The following MARCHF1 variants were observed in gnomAD, a reference collection of about 807,000 sequenced individuals.
The protein encoded by MARCHF1 is E3 ubiquitin-protein ligase MARCHF1.
Under a neutral mutation model 54.2 loss-of-function variants are expected in MARCHF1, and 40 were observed. That is an observed-to-expected ratio of 0.74 (90% CI 0.57 to 0.96). MARCHF1 has a LOEUF of 0.96. Among genes scored for constraint, MARCHF1 ranks in the 40% least tolerant of loss-of-function variants. MARCHF1 has a pLI of 0.00. For synonymous variants in MARCHF1, 236 were observed against 236.3 expected, an observed-to-expected ratio of 1.00 and a Z score of 0.01; for missense variants, 586 against 656.5, an observed-to-expected ratio of 0.89 and a Z score of 1.17.
At chr4:163,545,317 A>C (rs1304838612) in intron 9 of MARCHF1, among the ~76,000 whole-genome samples, 2 of 152,218 alleles carry the variant, frequency 1.3e-5, no homozygotes, top group Non-Finnish European at 2.9e-5. Context: ...TTCAGTTCCC[A>C]AAAAGCCCGA....
At chr4:164,379,820 A>G (rs1731315721) in intron 1 of MARCHF1, among the ~76,000 whole-genome samples, 1 of 152,216 alleles carries the variant, frequency 6.6e-6, no homozygotes, top group Non-Finnish European at 1.5e-5. Context: ...TGCTAAAAAT[A>G]CAAAAATTAG....
intron 4 of MARCHF1, among the ~76,000 whole-genome samples, chr4:163,768,939 T>C (rs1747070471): frequency 6.6e-6 from 1 of 152,134 alleles, no homozygotes; most frequent in Non-Finnish European, 1.5e-5. Context: ...TATCTGGACT[T>C]CCTGGTGGCT....
At chr4:163,602,103 T>G (rs1740992999) in intron 7 of MARCHF1, among the ~76,000 whole-genome samples, 1 of 151,902 alleles carries the variant, frequency 6.6e-6, no homozygotes, top group Admixed American at 6.6e-5. Context: ...TTTTATAAGG[T>G]GTGTGTGTGC....
At chr4:164,219,877 TTTGA>T (rs1370238647) in intron 1 of MARCHF1, among the ~76,000 whole-genome samples, 11 of 152,012 alleles carry the variant, frequency 7.2e-5, no homozygotes, top group Non-Finnish European at 1.2e-4. Context: ...CATACATGTG[TTTGA>T]TTTTGTCATT....
In MARCHF1 at chr4:163,944,217, C is replaced by T. The variant is rs185738520; in HGVS notation, c.-39+44284G>A. Among the ~76,000 whole-genome samples, 33 of 149,604 alleles carry T rather than the reference C, an allele frequency of 2.2e-4. No individual in the cohort carries two copies. In the East Asian group the frequency reaches 5.7e-3, roughly 26 times the overall value. Reference sequence around the variant, plus strand: ...CAGGATGGTCTCGATCTCCTGACCTCGTGATCCACCCGCCTCAGCCTCCCA... The same window carrying T: ...CAGGATGGTCTCGATCTCCTGACCTTGTGATCCACCCGCCTCAGCCTCCCA... On this transcript the variant is annotated intron_variant, in intron 3 of 9. Transcript: ENST00000514618.
intron 8 of MARCHF1, among the ~76,000 whole-genome samples, chr4:163,567,487 CT>C (rs550576431): frequency 6.6e-6 from 1 of 152,184 alleles, no homozygotes; most frequent in Non-Finnish European, 1.5e-5. Context: ...CAAATCTCAT[CT>C]TGAATTGTAG....
At chr4:164,196,674 T>C (rs967315324) in intron 1 of MARCHF1, among the ~76,000 whole-genome samples, 2 of 152,146 alleles carry the variant, frequency 1.3e-5, no homozygotes, top group East Asian at 1.9e-4. Flanking sequence ...CTTAAAAGAA[T>C]AGAATGTGTA....
Position 164,050,254 on chromosome 4 carries a change from G to A in MARCHF1, c.-248+61334C>T, listed in dbSNP as rs929830239. Among the ~76,000 whole-genome samples the A allele has an allele frequency of 8.9e-5, 11 of 123,076 alleles. 1 individual carries two copies. The highest frequency in any genetic ancestry group is 8.1e-4 in the South Asian group (3 of 3,712). The allele number at this position is 123,076 out of a possible 152,430, so 80.7% of individuals were successfully genotyped here. Reference sequence around the variant, plus strand: ...CACGACACTGCATTCCAGCCTGGGCGACGGAGCGAGACACTGTCTCCAAAA... The same window carrying A: ...CACGACACTGCATTCCAGCCTGGGCAACGGAGCGAGACACTGTCTCCAAAA... On this transcript the variant is annotated intron_variant, in intron 2 of 9. Transcript: ENST00000514618.
At chr4:163,618,353 T>C (rs72991534) in intron 5 of MARCHF1, among the ~76,000 whole-genome samples, 13,813 of 152,082 alleles carry the variant, frequency 0.091, 2,057 homozygotes, top group African/African-American at 0.31. Context: ...GATAAGTTAA[T>C]ACGCCCGAGG....
intron 1 of MARCHF1, among the ~76,000 whole-genome samples, chr4:164,120,072 T>A (rs1166855122): frequency 1.3e-5 from 2 of 151,626 alleles, no homozygotes; most frequent in African/African-American, 4.8e-5. Context: ...TATTTAGTTA[T>A]AAAAAATCAT....
At chr4:164,156,223 G>A (rs202131311) in intron 1 of MARCHF1, among the ~76,000 whole-genome samples, 23 of 152,068 alleles carry the variant, frequency 1.5e-4, no homozygotes, top group African/African-American at 4.3e-4. Context: ...AATTTTTCTC[G>A]CACAAAACTA....
chr4:164,323,662 G>C (rs1735201588), intron 1 of MARCHF1, among the ~76,000 whole-genome samples: 1 of 116,942 alleles, frequency 8.6e-6, no homozygotes, highest in South Asian at 2.9e-4. Context: ...ATCATTTATA[G>C]AAGACATTAA....
chr4:163,807,225 C>A lies in MARCHF1; in HGVS notation c.111+46796G>T, dbSNP rs76646012. Among the ~76,000 whole-genome samples the A allele has an allele frequency of 3.1e-3, 468 of 152,192 alleles. 3 individuals carry two copies. Among genetic ancestry groups the A allele is most frequent in the African/African-American group, 0.011 (445 of 41,564 alleles). On this transcript the variant is annotated intron_variant, in intron 4 of 9. Coordinates refer to ENST00000514618, the MANE Select transcript of MARCHF1 (RefSeq NM_001394959.1). The stretch of plus-strand genomic sequence containing the variant: ...TATAAACAATTTACTATGAGGAAAA[C>A]ATAAATGACTAAAAAACATTTTAAA...
intron 1 of MARCHF1, among the ~76,000 whole-genome samples, chr4:164,250,342 TTTTCA>T (rs1228719057): frequency 6.6e-6 from 1 of 152,070 alleles, no homozygotes; most frequent in African/African-American, 2.4e-5. Flanking sequence ...ATCTCAAGGA[TTTTCA>T]TTTGTTACCA....
At chr4:163,691,888 C>T (rs890398346) in intron 5 of MARCHF1, among the ~76,000 whole-genome samples, 2 of 152,156 alleles carry the variant, frequency 1.3e-5, no homozygotes, top group African/African-American at 4.8e-5. Context: ...GGAGAATCAC[C>T]TTTGGCCTAA....
chr4:163,960,905 C>A (rs1473198155), intron 3 of MARCHF1, among the ~76,000 whole-genome samples: 1 of 151,582 alleles, frequency 6.6e-6, no homozygotes, highest in African/African-American at 2.4e-5. Flanking sequence ...AAGGTGCTGT[C>A]AGGGCTGGTT....
intron 1 of MARCHF1, among the ~76,000 whole-genome samples, chr4:164,131,389 T>C (rs1000640433): frequency 8.6e-5 from 13 of 151,978 alleles, no homozygotes; most frequent in Non-Finnish European, 1.6e-4. Flanking sequence ...TGTGAAAAAA[T>C]TCTTTCTGTC....
intron 1 of MARCHF1, among the ~76,000 whole-genome samples, chr4:164,281,033 T>G (rs1734012561): frequency 6.6e-6 from 1 of 152,202 alleles, no homozygotes; most frequent in Non-Finnish European, 1.5e-5. Flanking sequence ...CCCACATTGT[T>G]TATAATAAAC....
chr4:163,581,894 AT>A (rs1176048153), intron 8 of MARCHF1, among the ~76,000 whole-genome samples: 1 of 152,204 alleles, frequency 6.6e-6, no homozygotes, highest in Non-Finnish European at 1.5e-5. Context: ...ATCTTATTTT[AT>A]TTGTACAAAT....
Sources: gnomAD v4.1 joint callset for allele counts (sites outside exome capture counted in the v4.1 genomes callset) on GRCh38, gnomAD v4.1.1 for gene constraint, MANE v1.5 for transcripts, NCBI Gene and HGNC (gene_info 2026-07-23, HGNC 2026-07-21) for gene names.